The following SHTN1 variants were observed in gnomAD, a reference collection of about 807,000 sequenced individuals.
SHTN1 encodes the protein shootin 1.
Under a neutral mutation model 83.1 loss-of-function variants are expected in SHTN1, and 42 were observed. The observed-to-expected ratio is 0.51, with a 90% CI of 0.39 to 0.65. The LOEUF (loss-of-function observed/expected upper bound fraction) is 0.65, where lower values mean the gene tolerates loss of function less well. Ranked by LOEUF, SHTN1 falls within the 30% of genes least tolerant of loss-of-function variation. The pLI is 0.00. For synonymous variants in SHTN1, 224 were observed against 247.7 expected, an observed-to-expected ratio of 0.90 and a Z score of 0.90; for missense variants, 622 against 737.8, an observed-to-expected ratio of 0.84 and a Z score of 1.82.
At chr10:117,022,955 T>G in intron 2 of SHTN1, among the ~76,000 whole-genome samples, 1 of 152,158 alleles carries the variant, frequency 6.6e-6, no homozygotes, top group Admixed American at 6.6e-5. Context: ...TATCAAAACC[T>G]TGGCATGATT....
chr10:116,927,358 G>A lies in SHTN1; in HGVS notation c.1112+434C>T, dbSNP rs574250067. Among the ~76,000 whole-genome samples, 13 of 152,204 alleles carry A rather than the reference G, an allele frequency of 8.5e-5. No homozygotes were observed. In the East Asian group the frequency reaches 9.6e-4, roughly 11 times the overall value. The stretch of plus-strand genomic sequence containing the variant: ...TCATGCTGCTAATAAAGATATACCC[G>A]AGACTCGGTAATTATAAAGGAAAGA... On this transcript the variant is annotated intron_variant, in intron 11 of 16. Transcript: ENST00000355371.
At chr10:117,126,512 G>A (rs1407355274) in exon 1 of SHTN1, 2 of 111,456 alleles carry the variant, frequency 1.8e-5, no homozygotes, top group Non-Finnish European at 3.7e-5. Context: ...CATGCCCCTC[G>A]CCTCGCCTCC....
intron 1 of SHTN1, among the ~76,000 whole-genome samples, chr10:117,059,333 A>T (rs948751404): frequency 2.6e-4 from 39 of 152,288 alleles, no homozygotes; most frequent in African/African-American, 9.1e-4. Flanking sequence ...ATGCAACTAC[A>T]ACATAGCCCA....
intron 2 of SHTN1, among the ~76,000 whole-genome samples, chr10:116,978,284 ATTTAGCTTGC>A (rs1053640606): frequency 2.5e-4 from 38 of 152,302 alleles, no homozygotes; most frequent in African/African-American, 9.1e-4. Flanking sequence ...TTTTACAAAT[ATTTAGCTTGC>A]TGCCAGTTTT....
intron 1 of SHTN1, among the ~76,000 whole-genome samples, chr10:117,068,015 G>T (rs1239990223): frequency 2.0e-5 from 3 of 152,114 alleles, no homozygotes; most frequent in Non-Finnish European, 2.9e-5. Flanking sequence ...CCTCCAAGTG[G>T]AGCTATGAGA....
intron 2 of SHTN1, among the ~76,000 whole-genome samples, chr10:116,970,525 C>A (rs1422142705): frequency 2.0e-5 from 3 of 152,058 alleles, no homozygotes; most frequent in South Asian, 4.2e-4. Flanking sequence ...ACCATCCTTG[C>A]CAACATGGTG....
chr10:116,989,297 G>A (rs149743162), intron 1 of SHTN1, among the ~76,000 whole-genome samples: 50 of 152,140 alleles, frequency 3.3e-4, no homozygotes, highest in African/African-American at 9.4e-4. Flanking sequence ...ATTTTATTCC[G>A]ACTTCCTTAG....
At chr10:116,957,350 T>C (rs2133434539) in intron 4 of SHTN1, among the ~76,000 whole-genome samples, 1 of 150,760 alleles carries the variant, frequency 6.6e-6, no homozygotes, top group East Asian at 2.0e-4. Flanking sequence ...GACTCCCTGG[T>C]TCAAGCGATT....
chr10:116,997,071 A>G (rs1851651479), intron 1 of SHTN1, among the ~76,000 whole-genome samples: 2 of 152,324 alleles, frequency 1.3e-5, no homozygotes, highest in South Asian at 2.1e-4. Context: ...ACAGAATTAC[A>G]AAGACAAGAG....
In SHTN1 at chr10:116,940,612, T is replaced by G; in HGVS notation, c.712A>C (p.Met238Leu). ...TTTAGCTTGTTTTGCTCAATGAACATCTGCAAAAGTTTGTTACAAGAATGT... is the reference window on the plus strand; with the variant it reads ...TTTAGCTTGTTTTGCTCAATGAACAGCTGCAAAAGTTTGTTACAAGAATGT... ...RKKAESFAQE[M>L]FIEQNKLKRQ... Residue 238 changes from methionine (M) to leucine (L), a missense_variant and splice_region_variant, in exon 9 of 17, where the codon ATG (methionine) becomes CTG (leucine). Around this residue, in one of 3 missense-constraint regions of SHTN1, gnomAD observed 383 missense variants for 455.8 expected, o/e 0.84. Coordinates refer to ENST00000355371, the MANE Select transcript of SHTN1 (RefSeq NM_001127211.3). The G allele has an allele frequency of 8.8e-6, 14 of 1,599,604 alleles. No homozygotes were observed. Among genetic ancestry groups the G allele is most frequent in the Non-Finnish European group, 1.2e-5 (14 of 1,171,524 alleles).
At chr10:116,927,312 T>C (rs1295102662) in intron 11 of SHTN1, among the ~76,000 whole-genome samples, 2 of 152,174 alleles carry the variant, frequency 1.3e-5, no homozygotes, top group Admixed American at 1.3e-4. Context: ...GGGAATAATA[T>C]ATTGGCTTGT....
At position 116,882,492 on chromosome 10, in the gene SHTN1, T is replaced by TA. The variant is rs1454218350; in HGVS notation, c.*3851dup. On this transcript the variant is annotated 3_prime_UTR_variant, in exon 17 of 17. Transcript: ENST00000355371. Reference sequence around the variant, plus strand: ...GATTATAGCAGAGGAGTAGCAGAAATAAATATATTCAGACACAAACATATA... The same window carrying TA: ...GATTATAGCAGAGGAGTAGCAGAAATAAAATATATTCAGACACAAACATATA... 3 of 150,468 alleles carry TA rather than the reference T, an allele frequency of 2.0e-5. No homozygotes were observed. The highest frequency in any genetic ancestry group is 7.3e-5 in the African/African-American group (3 of 40,854). 9.3% of individuals were successfully genotyped at this position (150,468 alleles called of 1,614,324 possible). A position where few individuals can be genotyped will look rare whatever the true frequency, so the allele number is the denominator to read the frequency against.
At chr10:117,037,576 A>G (rs1852516952) in intron 2 of SHTN1, among the ~76,000 whole-genome samples, 1 of 152,210 alleles carries the variant, frequency 6.6e-6, no homozygotes, top group Admixed American at 6.5e-5. Flanking sequence ...AAAGAGAGGC[A>G]AAAGACCCAA....
At chr10:116,906,401 A>C (rs1847973801) in intron 15 of SHTN1, among the ~76,000 whole-genome samples, 1 of 152,264 alleles carries the variant, frequency 6.6e-6, no homozygotes, top group Admixed American at 6.5e-5. Flanking sequence ...TCAGATCTAT[A>C]AATGCCTGGT....
rs182943317 is a variant in SHTN1, at chr10:116,884,525, T to G, written c.*1819A>C. ...TACTCTAGAAAGGAGGGTATTTTGA[T>G]AACCATATTATTCTGTGATGGTGTG... On this transcript the variant is annotated 3_prime_UTR_variant, in exon 17 of 17. Transcript: ENST00000355371. 2.3e-3 allele frequency: 747 copies of G among 325,164 alleles called. 8 individuals carry two copies. Among genetic ancestry groups the G allele is most frequent in the African/African-American group, 0.015 (690 of 46,338 alleles). The allele number at this position is 325,164 out of a possible 1,614,324, so 20.1% of individuals were successfully genotyped here. A position where few individuals can be genotyped will look rare whatever the true frequency, so the allele number is the denominator to read the frequency against.
At chr10:116,914,140 C>T (rs1266309045) in intron 13 of SHTN1, among the ~76,000 whole-genome samples, 1 of 152,162 alleles carries the variant, frequency 6.6e-6, no homozygotes, top group South Asian at 2.1e-4. Context: ...CTCGCCTTGC[C>T]TGGCTATCTT....
intron 1 of SHTN1, among the ~76,000 whole-genome samples, chr10:116,997,338 T>C (rs1249083619): frequency 1.3e-5 from 2 of 152,380 alleles, no homozygotes; most frequent in Non-Finnish European, 2.9e-5. Context: ...CCTTGCGATG[T>C]GCACTGCATG....
chr10:116,964,291 G>T (rs1032851406), intron 3 of SHTN1, among the ~76,000 whole-genome samples: 1 of 152,108 alleles, frequency 6.6e-6, no homozygotes. Flanking sequence ...ATCCTATAAC[G>T]TAGGGATCAT....
At chr10:116,980,719 C>G (rs184059727) in intron 1 of SHTN1, among the ~76,000 whole-genome samples, 122 of 152,264 alleles carry the variant, frequency 8.0e-4, no homozygotes, top group African/African-American at 2.6e-3. Flanking sequence ...ATTCTAACCA[C>G]TAGGGCAAAG....
Sources: allele counts gnomAD v4.1 joint callset (sites outside exome capture counted in the v4.1 genomes callset), GRCh38; gene constraint gnomAD v4.1.1; regional missense constraint gnomAD v4.1.1; transcripts MANE v1.5; gene names NCBI Gene and HGNC (gene_info 2026-07-23, HGNC 2026-07-21).